PCDHGB6: variants seen among roughly 807,000 people sequenced by gnomAD.
The protein encoded by PCDHGB6 is protocadherin gamma-B6.
In PCDHGB6, 51 loss-of-function variants were observed where a neutral mutation model predicts 59.1. The observed-to-expected ratio is 0.86, with a 90% CI of 0.69 to 1.09. The LOEUF (loss-of-function observed/expected upper bound fraction) is 1.09, where lower values mean the gene tolerates loss of function less well. PCDHGB6 is among the 50% of genes least tolerant of loss of function. The pLI is 0.00. For missense variants in PCDHGB6, 1,148 were observed against 1,205.1 expected (o/e 0.95, Z 0.70); for synonymous variants, 466 against 495.1 (o/e 0.94, Z 0.78).
chr5:141,432,870 T>C lies in PCDHGB6; in HGVS notation c.2418+22250T>C, dbSNP rs1022024380. The stretch of plus-strand genomic sequence containing the variant: ...GCGGTGGCCGCGGTCTCCTGCGTCT[T>C]CCTGGCCTTCGTCATCTTGCTGCTG... On this transcript the variant is annotated intron_variant, in intron 1 of 3. Transcript: ENST00000520790. This position sits in a 1 kb window ranked among gnomAD's most constrained non-coding sequence, Gnocchi z 6.0. The C allele has an allele frequency of 1.9e-6, 3 of 1,614,030 alleles. No homozygotes were observed. In the African/African-American group the frequency reaches 4.0e-5, roughly 22 times the overall value.
rs1373037367 is a variant in PCDHGB6 at position 141,409,761 on chromosome 5, T to C, written c.1559T>C (p.Phe520Ser). Residue 520 changes from phenylalanine to serine, a missense_variant, in exon 1 of 4, where the codon TTT (phenylalanine) becomes TCT (serine). Transcript: ENST00000520790. ...QSGVVFAQRA[F>S]DHEQLRAFAL... ...GGGGTGGTGTTCGCGCAGCGCGCCT[T>C]TGATCACGAGCAGCTGCGCGCCTTC... The C allele has an allele frequency of 6.2e-7, 1 of 1,612,966 alleles. No individual in the cohort carries two copies. The highest frequency in any genetic ancestry group is 1.3e-5 in the African/African-American group (1 of 75,070).
chr5:141,477,263 G>A lies in PCDHGB6; in HGVS notation c.2419-17544G>A, dbSNP rs543767777. 1.4e-5 allele frequency: 23 copies of A among 1,614,192 alleles called. No individual in the cohort carries two copies. The highest frequency in any genetic ancestry group is 1.8e-5 in the Non-Finnish European group (21 of 1,180,046). On this transcript the variant is annotated intron_variant, in intron 1 of 3. Transcript: ENST00000520790. The surrounding 1 kb of genome is among the most constrained non-coding windows in gnomAD (Gnocchi z 4.9). The stretch of plus-strand genomic sequence containing the variant: ...CAGTGTGACTGACCTGGATGCTGGC[G>A]AGAACGGGCTGGTGACCTGCGAAGT...
intron 1 of PCDHGB6, among the ~76,000 whole-genome samples, chr5:141,444,152 ATTTTTTTTTTTTTTTTTTTTTT>A (rs747671382): frequency 8.9e-5 from 3 of 33,882 alleles, no homozygotes; most frequent in East Asian, 1.0e-3. Flanking sequence ...TGTGTACTGG[ATTTTTTTTTTTTTTTTTTTTTT>A]TTTTTTTTTT....
chr5:141,415,740 G>GTTTTTTTTTTTTTTTTTTTT (rs57426385), intron 1 of PCDHGB6: 5 of 625,024 alleles, frequency 8.0e-6, no homozygotes, highest in African/African-American at 5.0e-5. Flanking sequence ...GTTTATTAAG[G>GTTTTTTTTTTTTTTTTTTTT]TTTTTTTTTT....
intron 1 of PCDHGB6, chr5:141,418,597 G>A (rs2096274061): frequency 3.7e-6 from 6 of 1,614,052 alleles, no homozygotes; most frequent in Non-Finnish European, 5.1e-6. Flanking sequence ...GCCAGGACGT[G>A]TACAGGGTTA....
intron 1 of PCDHGB6, chr5:141,418,010 G>A: frequency 6.2e-7 from 1 of 1,613,914 alleles, no homozygotes; most frequent in African/African-American, 1.3e-5. Flanking sequence ...GGGGAACCTC[G>A]CTAAGGATCT....
intron 1 of PCDHGB6, chr5:141,415,561 T>C (rs11575963): frequency 0.067 from 108,836 of 1,614,090 alleles, 4,260 homozygotes; most frequent in Non-Finnish European, 0.077. Context: ...CGATCCTTTG[T>C]CTTTGTTAGA....
At position 141,490,124 on chromosome 5, in the gene PCDHGB6, T is replaced by C. The variant is rs1216088470; in HGVS notation, c.2419-4683T>C. On this transcript the variant is annotated intron_variant, in intron 1 of 3. Transcript: ENST00000520790. The surrounding 1 kb of genome is among the most constrained non-coding windows in gnomAD (Gnocchi z 5.4). ...GAGGCAGTGCGGAACCTCTTTGGCCTAGACCCTAGCAGTGGGGCAATCCAT... is the reference window on the plus strand; with the variant it reads ...GAGGCAGTGCGGAACCTCTTTGGCCCAGACCCTAGCAGTGGGGCAATCCAT... 6.2e-7 allele frequency: 1 copy of C among 1,614,144 alleles called. No individual in the cohort carries two copies. Among genetic ancestry groups the C allele is most frequent in the Non-Finnish European group, 8.5e-7 (1 of 1,180,054 alleles).
rs765454115 is a variant in PCDHGB6, at chr5:141,410,470, T to C, written c.2268T>C (p.Ile756=). The change falls in exon 1 of 4, where the codon ATT becomes ATC. Residue 756 remains isoleucine (I), a synonymous_variant. Coordinates refer to ENST00000520790, the MANE Select transcript of PCDHGB6 (RefSeq NM_018926.3). Reference sequence around the variant, plus strand: ...TGCCTTATTCTTATAATCTGTGCATTGCACATACGGGTACAAAAGAGTTTA... The same window carrying C: ...TGCCTTATTCTTATAATCTGTGCATCGCACATACGGGTACAAAAGAGTTTA... ...GTLPYSYNLC[I]AHTGTKEFNF... 1.9e-6 allele frequency: 3 copies of C among 1,613,922 alleles called. No individual in the cohort carries two copies. The African/African-American group carries it at 4.0e-5, about 22-fold the overall frequency.
intron 1 of PCDHGB6, among the ~76,000 whole-genome samples, chr5:141,460,173 A>C (rs2098983888): frequency 6.6e-6 from 1 of 152,004 alleles, no homozygotes; most frequent in Admixed American, 6.6e-5. Flanking sequence ...TATTTTGTGG[A>C]TATTTTATCC....
rs370237298 is a variant in PCDHGB6 at position 141,487,298 on chromosome 5, G to A, written c.2419-7509G>A. ...TTGCTTTGTCTCCTTTGGCTCATTCGTGGCACTACTCTCTAAGTGTCTTCG... is the reference window on the plus strand; with the variant it reads ...TTGCTTTGTCTCCTTTGGCTCATTCATGGCACTACTCTCTAAGTGTCTTCG... On this transcript the variant is annotated intron_variant, in intron 1 of 3. Coordinates refer to ENST00000520790, the MANE Select transcript of PCDHGB6 (RefSeq NM_018926.3). The surrounding 1 kb of genome is among the most constrained non-coding windows in gnomAD (Gnocchi z 5.0). The A allele has an allele frequency of 3.2e-5, 51 of 1,614,072 alleles. 1 individual carries two copies. Among genetic ancestry groups the A allele is most frequent in the South Asian group, 5.5e-5 (5 of 91,082 alleles).
intron 1 of PCDHGB6, among the ~76,000 whole-genome samples, chr5:141,442,888 GCTTATCA>G (rs776180931): frequency 8.5e-5 from 13 of 152,204 alleles, no homozygotes; most frequent in Non-Finnish European, 1.8e-4. Flanking sequence ...CAGAATCCCT[GCTTATCA>G]CTTCTCCTTC....
rs765535731 is a variant in PCDHGB6, at chr5:141,427,976, G to T, written c.2418+17356G>T. On this transcript the variant is annotated intron_variant, in intron 1 of 3. Transcript: ENST00000520790. ...ATGTGCCGCGGGTGCTGTACCCCGC[G>T]CTGGGGCCCGATGGCTCCGCACTCT... 1.1e-5 allele frequency: 17 copies of T among 1,594,884 alleles called. No individual in the cohort carries two copies. The East Asian group carries it at 1.6e-4, about 15-fold the overall frequency.
rs533830391 is a variant in PCDHGB6, at chr5:141,492,559, C to T, written c.2419-2248C>T. 4.6e-5 allele frequency among the ~76,000 whole-genome samples: 7 copies of T among 152,292 alleles called. No homozygotes were observed. The East Asian group carries it at 1.4e-3, about 29-fold the overall frequency. The stretch of plus-strand genomic sequence containing the variant: ...GGGCTGGGCCGGGTCGCCTGGGGGG[C>T]GGCCTGAGCGAGGCGCGGGGCCAGG... On this transcript the variant is annotated intron_variant, in intron 1 of 3. Coordinates refer to ENST00000520790, the MANE Select transcript of PCDHGB6 (RefSeq NM_018926.3).
intron 3 of PCDHGB6, 78 bp from the exon 4 acceptor site, chr5:141,510,869 T>C: frequency 9.3e-6 from 15 of 1,608,708 alleles, no homozygotes; most frequent in Non-Finnish European, 1.3e-5. Flanking sequence ...AGGCATTCAT[T>C]AACTGCTGGG....
At position 141,486,481 on chromosome 5, in the gene PCDHGB6, T is replaced by C. The variant is rs1562112794; in HGVS notation, c.2419-8326T>C. 1 of 1,614,036 alleles carries C rather than the reference T, an allele frequency of 6.2e-7. No individual in the cohort carries two copies. The highest frequency in any genetic ancestry group is 8.5e-7 in the Non-Finnish European group (1 of 1,179,976). Reference sequence around the variant, plus strand: ...CTGATGCTGGGAACCCTCCTCTCAGTACCCACAGAACTATTTTCCTCAATA... The same window carrying C: ...CTGATGCTGGGAACCCTCCTCTCAGCACCCACAGAACTATTTTCCTCAATA... On this transcript the variant is annotated intron_variant, in intron 1 of 3. Coordinates refer to ENST00000520790, the MANE Select transcript of PCDHGB6 (RefSeq NM_018926.3). This position sits in a 1 kb window ranked among gnomAD's most constrained non-coding sequence, Gnocchi z 5.0.
intron 1 of PCDHGB6, among the ~76,000 whole-genome samples, chr5:141,462,678 T>G (rs923728894): frequency 1.3e-5 from 2 of 152,210 alleles, no homozygotes; most frequent in South Asian, 4.1e-4. Flanking sequence ...TTCTTTAAAT[T>G]TTTGAGCACA....
chr5:141,431,537 C>A lies in PCDHGB6; in HGVS notation c.2418+20917C>A, dbSNP rs2097391571. On this transcript the variant is annotated intron_variant, in intron 1 of 3. Transcript: ENST00000520790. This position sits in a 1 kb window ranked among gnomAD's most constrained non-coding sequence, Gnocchi z 4.8. ...TCCGGAGAATCTGGCCTTGGGCACG[C>A]AGCTGCTTGTAGTCAACGCTACCGA... 6.2e-7 allele frequency: 1 copy of A among 1,614,102 alleles called. No individual in the cohort carries two copies. The highest frequency in any genetic ancestry group is 1.3e-5 in the African/African-American group (1 of 75,072).
chr5:141,471,977 A>G (rs1487329441), intron 1 of PCDHGB6, among the ~76,000 whole-genome samples: 1 of 152,212 alleles, frequency 6.6e-6, no homozygotes, highest in Non-Finnish European at 1.5e-5. Context: ...ATTACTGTAT[A>G]AATTTATTAA....
Sources: gnomAD v4.1 joint callset for allele counts (sites outside exome capture counted in the v4.1 genomes callset) on GRCh38, gnomAD v4.1.1 for gene constraint, Gnocchi (gnomAD v3.1) non-coding constraint, MANE v1.5 for transcripts, NCBI Gene and HGNC (gene_info 2026-07-23, HGNC 2026-07-21) for gene names.